SAMD12: variants seen among roughly 807,000 people sequenced by gnomAD.
SAMD12 encodes the protein sterile alpha motif domain-containing protein 12.
A neutral mutation model predicts 15.0 loss-of-function variants in SAMD12; 9 were observed. The observed-to-expected ratio is 0.60, with a 90% CI of 0.36 to 1.05. The LOEUF (loss-of-function observed/expected upper bound fraction) is 1.05. Ranked by LOEUF, SAMD12 falls within the 50% of genes least tolerant of loss-of-function variation. The pLI is 0.01. For synonymous variants in SAMD12, 86 were observed against 90.1 expected, an observed-to-expected ratio of 0.96 and a Z score of 0.25; for missense variants, 230 against 234.2, an observed-to-expected ratio of 0.98 and a Z score of 0.12.
At chr8:118,412,265 T>C (rs1411610507) in intron 3 of SAMD12, among the ~76,000 whole-genome samples, 1 of 152,172 alleles carries the variant, frequency 6.6e-6, no homozygotes, top group Non-Finnish European at 1.5e-5. Context: ...TCACTGATAT[T>C]CAGATTGAGA....
At chr8:118,161,529 C>T in the SAMD12 span, among the ~76,000 whole-genome samples, 1 of 139,264 alleles carries the variant, frequency 7.2e-6, no homozygotes. Flanking sequence ...CATGCGACTG[C>T]AGTTCAGCCT....
chr8:118,411,384 G>C (rs1821398505), intron 3 of SAMD12, among the ~76,000 whole-genome samples: 1 of 152,220 alleles, frequency 6.6e-6, no homozygotes. Context: ...GATGCTGTGA[G>C]AATGATGTAG....
chr8:118,588,745 C>G (rs1411230134), intron 1 of SAMD12, among the ~76,000 whole-genome samples: 2 of 152,138 alleles, frequency 1.3e-5, no homozygotes, highest in Non-Finnish European at 2.9e-5. Context: ...ATAACCCCAG[C>G]CTCCTTTACT....
chr8:118,471,316 A>T (rs1412872584), intron 2 of SAMD12, among the ~76,000 whole-genome samples: 1 of 152,166 alleles, frequency 6.6e-6, no homozygotes, highest in African/African-American at 2.4e-5. Context: ...TTATTCAATT[A>T]CCTAGTCTGC....
At chr8:118,575,104 A>G (rs1296710681) in intron 2 of SAMD12, among the ~76,000 whole-genome samples, 1 of 152,210 alleles carries the variant, frequency 6.6e-6, no homozygotes, top group African/African-American at 2.4e-5. Context: ...ACTCTCATTT[A>G]TCTGCCTGTG....
intron 4 of SAMD12, among the ~76,000 whole-genome samples, chr8:118,214,352 G>A (rs1207451290): frequency 6.6e-6 from 1 of 152,172 alleles, no homozygotes; most frequent in Non-Finnish European, 1.5e-5. Context: ...ATGTCAGGAT[G>A]TCAAGACCTT....
chr8:118,520,999 CTG>C (rs1431755070), intron 2 of SAMD12, among the ~76,000 whole-genome samples: 3 of 152,136 alleles, frequency 2.0e-5, no homozygotes, highest in Non-Finnish European at 2.9e-5. Context: ...TTGTTGGACT[CTG>C]TGTCGATTTA....
rs80343272 is a variant in SAMD12, at chr8:118,345,039, C to T, written c.433+34521G>A. Among the ~76,000 whole-genome samples, 929 of 152,248 alleles carry T rather than the reference C, an allele frequency of 6.1e-3. 6 individuals carry two copies. The highest frequency in any genetic ancestry group is 0.021 in the African/African-American group (873 of 41,534). On this transcript the variant is annotated intron_variant, in intron 4 of 4. Transcript: ENST00000409003. ...CACATTCACTCACCACTCACTGACT[C>T]GCTGACTCACCCAGAGCAACCTCCA...
the SAMD12 span, among the ~76,000 whole-genome samples, chr8:118,167,581 T>C: frequency 2.2e-4 from 33 of 152,062 alleles, no homozygotes; most frequent in African/African-American, 8.0e-4. Context: ...TATCAGGAAG[T>C]GGGGGAAATT....
At chr8:118,513,961 T>C (rs4495457) in intron 2 of SAMD12, among the ~76,000 whole-genome samples, 62,291 of 152,102 alleles carry the variant, frequency 0.41, 13,087 homozygotes, top group African/African-American at 0.5. Context: ...CAAAAGTTTC[T>C]AGAAAACCTG....
At chr8:118,515,168 G>A (rs1348642158) in intron 2 of SAMD12, among the ~76,000 whole-genome samples, 8 of 143,638 alleles carry the variant, frequency 5.6e-5, no homozygotes, top group Admixed American at 3.6e-4. Context: ...ATAGGCGCCC[G>A]CCACCACGCC....
rs1818250845 is a variant in SAMD12, at chr8:118,356,819, C to T, written c.433+22741G>A. Among the ~76,000 whole-genome samples the T allele has an allele frequency of 2.0e-5, 3 of 152,180 alleles. No individual in the cohort carries two copies. The South Asian group carries it at 6.2e-4, about 32-fold the overall frequency. Reference sequence around the variant, plus strand: ...GCTTCTTCTTCCTCAGCACAGGTGCCTCCACATTTGTGGCTGCTCAGGCCA... The same window carrying T: ...GCTTCTTCTTCCTCAGCACAGGTGCTTCCACATTTGTGGCTGCTCAGGCCA... On this transcript the variant is annotated intron_variant, in intron 4 of 4. Coordinates refer to the SAMD12 transcript ENST00000409003.
intron 2 of SAMD12, among the ~76,000 whole-genome samples, chr8:118,526,045 C>T (rs967121874): frequency 6.6e-6 from 1 of 152,036 alleles, no homozygotes; most frequent in Non-Finnish European, 1.5e-5. Flanking sequence ...TTACAGACTC[C>T]AAGTCTTATT....
At chr8:118,557,826 T>C (rs1826586277) in intron 2 of SAMD12, among the ~76,000 whole-genome samples, 1 of 152,194 alleles carries the variant, frequency 6.6e-6, no homozygotes, top group Non-Finnish European at 1.5e-5. Flanking sequence ...AGCATGTTCC[T>C]GTAACTTCTA....
At chr8:118,314,351 C>A (rs1050308582) in intron 4 of SAMD12, among the ~76,000 whole-genome samples, 3 of 151,828 alleles carry the variant, frequency 2.0e-5, no homozygotes. Flanking sequence ...ACAGGGAGGT[C>A]CTGTGTGTAT....
intron 3 of SAMD12, among the ~76,000 whole-genome samples, chr8:118,386,592 C>T (rs116182396): frequency 4.7e-4 from 71 of 152,318 alleles, no homozygotes; most frequent in Middle Eastern, 3.4e-3. Flanking sequence ...TTTCTGACTA[C>T]GGCACAGGGT....
chr8:118,453,235 G>A (rs1823136422), intron 2 of SAMD12, among the ~76,000 whole-genome samples: 2 of 152,082 alleles, frequency 1.3e-5, no homozygotes, highest in African/African-American at 4.8e-5. Flanking sequence ...GCTATGCCAA[G>A]TATGATGGTA....
At chr8:118,288,794 A>T (rs1814197997) in intron 4 of SAMD12, among the ~76,000 whole-genome samples, 1 of 152,236 alleles carries the variant, frequency 6.6e-6, no homozygotes, top group Admixed American at 6.5e-5. Flanking sequence ...AAGTTGAACC[A>T]ATCTTTTAAA....
chr8:118,253,841 C>T (rs1281527561), intron 4 of SAMD12, among the ~76,000 whole-genome samples: 1 of 152,068 alleles, frequency 6.6e-6, no homozygotes, highest in Non-Finnish European at 1.5e-5. Flanking sequence ...TTCTTAATTC[C>T]AACATATTTA....
Sources: allele counts gnomAD v4.1 joint callset (sites outside exome capture counted in the v4.1 genomes callset), GRCh38; gene constraint gnomAD v4.1.1; transcripts MANE v1.5; gene names NCBI Gene and HGNC (gene_info 2026-07-23, HGNC 2026-07-21).